Variants in LIMK2 observed in about 807,000 individuals in gnomAD.
LIMK2 encodes the protein LIM domain kinase 2.
LIMK2 carries 35 observed loss-of-function variants against 75.7 expected under a neutral mutation model. That is an observed-to-expected ratio of 0.46 (90% confidence interval 0.35 to 0.61). The LOEUF is 0.61. LIMK2 is among the 20% of genes least tolerant of loss of function. The pLI, the probability that LIMK2 is intolerant of heterozygous loss-of-function variation, is 0.00. For missense variants in LIMK2, 623 were observed against 831.0 expected (o/e 0.75, Z 3.08); for synonymous variants, 301 against 319.2 (o/e 0.94, Z 0.61).
intron 7 of LIMK2, among the ~76,000 whole-genome samples, chr22:31,264,749 C>T (rs1326181263): frequency 1.3e-5 from 2 of 151,742 alleles, no homozygotes; most frequent in African/African-American, 2.4e-5. Context: ...ATGGTGAAAC[C>T]CTATCTCTAC....
At chr22:31,276,852 C>G in intron 15 of LIMK2, 1 of 1,612,094 alleles carries the variant, frequency 6.2e-7, no homozygotes. Flanking sequence ...CAGTGAGGCG[C>G]CAAGGGAAGG....
chr22:31,254,827 C>T (rs1442519702), intron 2 of LIMK2, among the ~76,000 whole-genome samples: 1 of 152,104 alleles, frequency 6.6e-6, no homozygotes, highest in African/African-American at 2.4e-5. Flanking sequence ...GGTGTGGTGG[C>T]ATGCGCCAGT....
At chr22:31,222,099 G>C (rs1297296289) in intron 1 of LIMK2, among the ~76,000 whole-genome samples, 2 of 151,962 alleles carry the variant, frequency 1.3e-5, no homozygotes, top group Non-Finnish European at 2.9e-5. Flanking sequence ...TTGAGTTGGA[G>C]TTTCACTCTT....
intron 2 of LIMK2, among the ~76,000 whole-genome samples, chr22:31,249,226 C>A (rs912170190): frequency 1.3e-5 from 2 of 152,222 alleles, no homozygotes; most frequent in African/African-American, 4.8e-5. Context: ...GTGTGGGTAG[C>A]CTGGTACACA....
chr22:31,228,024 G>A (rs2048494060), intron 2 of LIMK2, among the ~76,000 whole-genome samples: 3 of 91,456 alleles, frequency 3.3e-5, no homozygotes, highest in Admixed American at 2.3e-4. Context: ...GTGCGTGCGT[G>A]TGTGTGTGTG....
intron 11 of LIMK2, among the ~76,000 whole-genome samples, chr22:31,270,698 G>A (rs139868057): frequency 2.0e-5 from 3 of 152,344 alleles, no homozygotes; most frequent in Admixed American, 6.5e-5. Context: ...GAGCTAGCTG[G>A]AGCAAGAAGT....
At chr22:31,225,584 CTG>C (rs571484608) in intron 1 of LIMK2, 134 bp from the exon 2 acceptor site, 13 of 628,384 alleles carry the variant, frequency 2.1e-5, no homozygotes, top group African/African-American at 1.3e-4. Flanking sequence ...GAGGCAGAAA[CTG>C]TGCATCTAGC....
rs545521642 is a variant in LIMK2 at position 31,276,671 on chromosome 22, C to T, written c.1772+1363C>T. The T allele has an allele frequency of 8.7e-3, 9,178 of 1,058,178 alleles. 39 individuals are homozygous for T. Among genetic ancestry groups the T allele is most frequent in the Non-Finnish European group, 9.7e-3 (8,471 of 874,022 alleles). 65.5% of individuals were successfully genotyped at this position (1,058,178 alleles called of 1,614,324 possible). A position where few individuals can be genotyped will look rare whatever the true frequency, so the allele number is the denominator to read the frequency against. ...CACAAGGAGGGGCCCCACGCGCGCA[C>T]GTGGCCCCGGAGGCCGCCGTGGCGG... On this transcript the variant is annotated intron_variant, in intron 15 of 15. Transcript: ENST00000331728.
intron 1 of LIMK2, among the ~76,000 whole-genome samples, chr22:31,216,897 AC>A (rs1474671577): frequency 3.3e-5 from 5 of 152,146 alleles, no homozygotes; most frequent in Non-Finnish European, 5.9e-5. Flanking sequence ...TTACAAGTCT[AC>A]CTTCTTTCTC....
intron 1 of LIMK2, among the ~76,000 whole-genome samples, chr22:31,215,767 C>A (rs1227829406): frequency 2.0e-5 from 3 of 152,122 alleles, no homozygotes; most frequent in Non-Finnish European, 4.4e-5. Flanking sequence ...TGAAAAGCCA[C>A]CGCACTCCAG....
At chr22:31,245,923 A>C (rs556769204) in intron 2 of LIMK2, among the ~76,000 whole-genome samples, 1 of 152,176 alleles carries the variant, frequency 6.6e-6, no homozygotes, top group East Asian at 1.9e-4. Context: ...CTATAATCTC[A>C]GCACTTTGGG....
intron 4 of LIMK2, 59 bp downstream of exon 4, chr22:31,259,289 C>T: frequency 9.3e-7 from 1 of 1,078,886 alleles, no homozygotes. Flanking sequence ...CGGGGAGGGA[C>T]AGTGGCAGGG....
chr22:31,265,847 A>G, intron 7 of LIMK2, 99 bp from the exon 8 acceptor site: 1 of 895,704 alleles, frequency 1.1e-6, no homozygotes, highest in Non-Finnish European at 1.8e-6. Context: ...AACTATAGAC[A>G]TTGGAATGAA....
intron 12 of LIMK2, 65 bp from the exon 13 acceptor site, chr22:31,272,465 T>G (rs1292296526): frequency 5.4e-6 from 8 of 1,486,812 alleles, no homozygotes; most frequent in Non-Finnish European, 7.2e-6. Context: ...TTGCCTATGC[T>G]TCCTCCCCAG....
chr22:31,258,221 A>G, intron 2 of LIMK2, 70 bp from the exon 3 acceptor site: 9 of 1,488,590 alleles, frequency 6.0e-6, no homozygotes, highest in Non-Finnish European at 7.2e-6. Flanking sequence ...CATACCTAGG[A>G]ACCAGGGACA....
chr22:31,276,804 C>T, intron 15 of LIMK2: 4 of 1,610,500 alleles, frequency 2.5e-6, no homozygotes, highest in South Asian at 1.1e-5. Context: ...CCCCCGGGGC[C>T]GCAGGAGAGG....
intron 1 of LIMK2, among the ~76,000 whole-genome samples, chr22:31,217,333 G>C (rs2048396603): frequency 6.6e-6 from 1 of 151,852 alleles, no homozygotes; most frequent in Non-Finnish European, 1.5e-5. Context: ...GGAGGCAGAG[G>C]TTGCAGTGAG....
chr22:31,275,993 T>C (rs1487886939), intron 15 of LIMK2, among the ~76,000 whole-genome samples: 1 of 152,166 alleles, frequency 6.6e-6, no homozygotes. Flanking sequence ...CCCAGCACTT[T>C]GGGAGGCTGA....
rs2048851452 is a variant in LIMK2, at chr22:31,262,576, A to G, written c.658-19A>G. 1 of 1,601,438 alleles carries G rather than the reference A, an allele frequency of 6.2e-7. No homozygotes were observed. The highest frequency in any genetic ancestry group is 1.3e-5 in the African/African-American group (1 of 74,776). ...GGATGGGGCAGCCTGTGGGAGCTTTATACTGCTCTTGGCCACAGGTGGAGG... is the reference window on the plus strand; with the variant it reads ...GGATGGGGCAGCCTGTGGGAGCTTTGTACTGCTCTTGGCCACAGGTGGAGG... On this transcript the variant is annotated intron_variant, in intron 6 of 15. Coordinates refer to ENST00000331728, the MANE Select transcript of LIMK2 (RefSeq NM_005569.4). This position sits in a 1 kb window ranked among gnomAD's most constrained non-coding sequence, Gnocchi z 5.0.
Sources: allele counts gnomAD v4.1 joint callset (sites outside exome capture counted in the v4.1 genomes callset), GRCh38; gene constraint gnomAD v4.1.1; non-coding constraint Gnocchi (gnomAD v3.1); transcripts MANE v1.5; gene names NCBI Gene and HGNC (gene_info 2026-07-23, HGNC 2026-07-21).